Variants in ARHGEF18 observed in about 807,000 individuals in gnomAD.
ARHGEF18 encodes the protein Rho/Rac guanine nucleotide exchange factor 18, also known as rho guanine nucleotide exchange factor 18.
In ARHGEF18, 93 loss-of-function variants were observed where a neutral mutation model predicts 155.7. That is an observed-to-expected ratio of 0.60 (90% CI 0.50 to 0.71). ARHGEF18 has a LOEUF of 0.71. ARHGEF18 is among the 30% of genes least tolerant of loss of function. ARHGEF18 has a pLI of 0.00. For missense variants in ARHGEF18, 1,593 were observed against 1,816.1 expected (o/e 0.88, Z 2.23); for synonymous variants, 742 against 753.1 (o/e 0.99, Z 0.24).
chr19:7,470,514 C>CT lies in ARHGEF18; in HGVS notation c.*217dup. The CT allele has an allele frequency of 1.2e-5, 5 of 406,816 alleles. No individual in the cohort carries two copies. The highest frequency in any genetic ancestry group is 6.2e-4 in the Middle Eastern group (1 of 1,606). 25.2% of individuals were successfully genotyped at this position (406,816 alleles called of 1,614,324 possible). On this transcript the variant is annotated 3_prime_UTR_variant, in exon 29 of 29. Transcript: ENST00000668164. This position sits in a 1 kb window ranked among gnomAD's most constrained non-coding sequence, Gnocchi z 5.9. Reference sequence around the variant, plus strand: ...GTGGTGCCGGGGTCACTTTCTGAATCTCTTTTTTTTTTTTTCAAAAAGGAA... The same window carrying CT: ...GTGGTGCCGGGGTCACTTTCTGAATCTTCTTTTTTTTTTTTTCAAAAAGGAA...
At chr19:7,469,254 C>T in intron 27 of ARHGEF18, 123 bp downstream of exon 27, 1 of 1,244,388 alleles carries the variant, frequency 8.0e-7, no homozygotes, top group Non-Finnish European at 1.1e-6. Context: ...AACCAGAAGG[C>T]ACAGCTGGCA....
At chr19:7,456,122 G>T (rs896018743) in intron 17 of ARHGEF18, among the ~76,000 whole-genome samples, 2 of 152,232 alleles carry the variant, frequency 1.3e-5, no homozygotes, top group African/African-American at 4.8e-5. Context: ...GGACTTAGAG[G>T]AGGCTCCGGC....
intron 10 of ARHGEF18, among the ~76,000 whole-genome samples, chr19:7,427,298 G>T (rs1310738307): frequency 2.0e-5 from 3 of 152,158 alleles, no homozygotes; most frequent in African/African-American, 7.2e-5. Context: ...CAGTACCCTG[G>T]AGGGGGGATG....
intron 1 of ARHGEF18, among the ~76,000 whole-genome samples, chr19:7,359,394 A>G (rs1048043048): frequency 6.6e-6 from 1 of 152,146 alleles, no homozygotes; most frequent in Non-Finnish European, 1.5e-5. Context: ...GGCTTAGCTC[A>G]TAATATTGGA....
chr19:7,431,108 C>A (rs1005781577), intron 10 of ARHGEF18, among the ~76,000 whole-genome samples: 1 of 151,916 alleles, frequency 6.6e-6, no homozygotes, highest in African/African-American at 2.4e-5. Flanking sequence ...GAGCCGTGAT[C>A]GTGCCTGTGT....
chr19:7,378,638 G>GGC lies in ARHGEF18; in HGVS notation c.599+188_599+189dup, dbSNP rs1970574304. ...TCCTTCTCCCGGTGGGAGGGACCCA[G>GGC]GCCCCTCAGAAAGGTTCTCAATGTA... On this transcript the variant is annotated intron_variant, in intron 6 of 28. Transcript: ENST00000668164. Among the ~76,000 whole-genome samples, 4 of 150,520 alleles carry GGC rather than the reference G, an allele frequency of 2.7e-5. No individual in the cohort carries two copies. In the South Asian group the frequency reaches 8.5e-4, roughly 32 times the overall value.
chr19:7,398,845 T>C (rs1971874171), intron 10 of ARHGEF18, among the ~76,000 whole-genome samples: 1 of 152,246 alleles, frequency 6.6e-6, no homozygotes, highest in African/African-American at 2.4e-5. Context: ...TTCATTCTTG[T>C]CACACAGTAG....
intron 10 of ARHGEF18, among the ~76,000 whole-genome samples, chr19:7,407,388 T>G (rs1462976327): frequency 2.0e-5 from 3 of 151,004 alleles, no homozygotes; most frequent in African/African-American, 7.3e-5. Flanking sequence ...ATTGAGCCAC[T>G]GTACCCCAGC....
At chr19:7,373,818 C>T (rs1261230825) in intron 3 of ARHGEF18, among the ~76,000 whole-genome samples, 6 of 149,270 alleles carry the variant, frequency 4.0e-5, no homozygotes, top group Admixed American at 3.3e-4. Flanking sequence ...TCGCATGTGC[C>T]GTTCACAATA....
At chr19:7,475,266 G>C (rs1036696654), downstream of ARHGEF18, among the ~76,000 whole-genome samples, 2 of 152,088 alleles carry the variant, frequency 1.3e-5, no homozygotes, top group African/African-American at 4.8e-5. Flanking sequence ...GTTCACAAAG[G>C]GGTCTGTTCC....
intron 3 of ARHGEF18, among the ~76,000 whole-genome samples, chr19:7,375,042 C>T (rs112916926): frequency 0.029 from 4,480 of 152,078 alleles, 104 homozygotes; most frequent in South Asian, 0.077. Context: ...GAGGCAGAGT[C>T]GGGCGGATCA....
chr19:7,416,894 T>C (rs1407209397), intron 10 of ARHGEF18, among the ~76,000 whole-genome samples: 14 of 150,852 alleles, frequency 9.3e-5, no homozygotes, highest in Admixed American at 9.3e-4. Flanking sequence ...TGAGCCACCA[T>C]GCCCGGCTGT....
intron 10 of ARHGEF18, among the ~76,000 whole-genome samples, chr19:7,415,738 C>A (rs2145645167): frequency 6.6e-6 from 1 of 152,154 alleles, no homozygotes; most frequent in Middle Eastern, 3.4e-3. Context: ...ACCACAGAGA[C>A]CCGCAGCTCC....
chr19:7,479,805 G>A, the ARHGEF18 span, among the ~76,000 whole-genome samples: 12 of 152,192 alleles, frequency 7.9e-5, no homozygotes, highest in East Asian at 9.6e-4. Flanking sequence ...GAACCCTAAC[G>A]TGAGCTACTC....
At chr19:7,456,215 A>G in intron 17 of ARHGEF18, 112 bp from the exon 18 acceptor site, 2 of 939,620 alleles carry the variant, frequency 2.1e-6, no homozygotes, top group Non-Finnish European at 3.5e-6. Context: ...AGGCCCAGGC[A>G]GAAGCATCAT....
At chr19:7,375,940 G>A (rs1970441134) in intron 4 of ARHGEF18, 70 bp downstream of exon 4, 2 of 1,232,184 alleles carry the variant, frequency 1.6e-6, no homozygotes, top group Non-Finnish European at 2.0e-6. Flanking sequence ...CTATAGGTAG[G>A]AAGGAGAGAC....
At chr19:7,367,883 T>TACATATATATATACACATATATA in intron 2 of ARHGEF18, among the ~76,000 whole-genome samples, 1 of 16,762 alleles carries the variant, frequency 6.0e-5, no homozygotes, top group Non-Finnish European at 9.1e-5. Flanking sequence ...TATATATATA[T>TACATATATATATACACATATATA]TTTATATATA....
At chr19:7,350,810 G>GGAGAGAGAATCT (rs1969139834) in intron 1 of ARHGEF18, among the ~76,000 whole-genome samples, 1 of 144,784 alleles carries the variant, frequency 6.9e-6, no homozygotes, top group African/African-American at 2.6e-5. Flanking sequence ...GTGTGTGTGT[G>GGAGAGAGAATCT]TGTGTGTGTT....
intron 3 of ARHGEF18, among the ~76,000 whole-genome samples, chr19:7,374,601 C>T (rs1341687246): frequency 6.6e-6 from 1 of 151,938 alleles, no homozygotes; most frequent in African/African-American, 2.4e-5. Context: ...TCGCTTGAAC[C>T]CAGGAGACAG....
Sources: allele counts gnomAD v4.1 joint callset (sites outside exome capture counted in the v4.1 genomes callset), GRCh38; gene constraint gnomAD v4.1.1; non-coding constraint Gnocchi (gnomAD v3.1); transcripts MANE v1.5; gene names NCBI Gene and HGNC (gene_info 2026-07-23, HGNC 2026-07-21).